The following TNK2 variants were observed in gnomAD, a reference collection of about 807,000 sequenced individuals.
The protein encoded by TNK2 is activated CDC42 kinase 1.
In TNK2, 83 loss-of-function variants were observed where a neutral mutation model predicts 101.8. The observed-to-expected ratio is 0.82, with a 90% CI of 0.68 to 0.98. The LOEUF is 0.98. Among genes scored for constraint, TNK2 ranks in the 50% least tolerant of loss-of-function variants. TNK2 has a pLI of 0.00. For missense variants in TNK2, 1,665 were observed against 1,483.2 expected, an observed-to-expected ratio of 1.12 and a Z score of -2.01; for synonymous variants, 804 against 633.0, an observed-to-expected ratio of 1.27 and a Z score of -4.06.
In TNK2 at chr3:195,867,616, G is replaced by A. The variant is rs1342920768; in HGVS notation, c.2682C>T (p.Ala894=). 6.3e-7 allele frequency: 1 copy of A among 1,598,644 alleles called. No individual in the cohort carries two copies. The change falls in exon 13 of 16, where the codon GCC becomes GCT. Residue 894 remains alanine, a synonymous_variant. Coordinates refer to ENST00000672887, the MANE Select transcript of TNK2 (RefSeq NM_001382273.1). The part of the protein sequence containing the change: ...LERYQRFLRE[A]QSPEEPTPLP... ...GGGGGGTAGGCTCCTCGGGGCTCTG[G>A]GCCTCACGCAGGAAGCGCTGGTAGC...
intron 15 of TNK2, among the ~76,000 whole-genome samples, chr3:195,866,006 G>A (rs1013845622): frequency 5.9e-5 from 9 of 151,930 alleles, no homozygotes; most frequent in African/African-American, 1.9e-4. Context: ...CCCTCCTCCC[G>A]CCAGTGCCTC....
chr3:195,899,007 A>G (rs1760937001), intron 1 of TNK2, among the ~76,000 whole-genome samples: 1 of 151,842 alleles, frequency 6.6e-6, no homozygotes, highest in Non-Finnish European at 1.5e-5. Context: ...GAGGCAGGAG[A>G]ATGGCGTGAA....
chr3:195,899,316 G>GA (rs1456656916), intron 1 of TNK2, among the ~76,000 whole-genome samples: 1 of 151,938 alleles, frequency 6.6e-6, no homozygotes, highest in Admixed American at 6.6e-5. Flanking sequence ...TAATACATGT[G>GA]AAAAATAGCC....
At position 195,872,293 on chromosome 3, in the gene TNK2, GA is replaced by G. The variant is rs1746014547; in HGVS notation, c.1433del (p.Phe478SerfsTer20). Reference sequence around the variant, plus strand: ...GTACTCACTCGTCAATCCTGTCCGGGAAGCCCCAGCAGTGGCGGGGGTCACT... The same window carrying G: ...GTACTCACTCGTCAATCCTGTCCGGGAGCCCCAGCAGTGGCGGGGGTCACT... ...GDSDPRHCWG[F>X]PDRIDELYLG... On this transcript the variant is annotated frameshift_variant, in exon 10 of 16. Coordinates refer to ENST00000672887, the MANE Select transcript of TNK2 (RefSeq NM_001382273.1). LOFTEE classifies it high-confidence loss of function. 1 of 1,613,340 alleles carries G rather than the reference GA, an allele frequency of 6.2e-7. No individual in the cohort carries two copies. Among genetic ancestry groups the G allele is most frequent in the African/African-American group, 1.3e-5 (1 of 74,944 alleles).
Position 195,895,293 on chromosome 3 carries a change from C to T in TNK2, c.-18-6687G>A. On this transcript the variant is annotated intron_variant, in intron 1 of 15. Coordinates refer to ENST00000672887, the MANE Select transcript of TNK2 (RefSeq NM_001382273.1). ...GCCAGGCGCTGGTAAGCAGATCTCT[C>T]CCCCATGGAGCCCCAAATCCCAGCG... is the stretch of plus-strand genomic sequence containing the variant. 6.4e-7 allele frequency: 1 copy of T among 1,572,936 alleles called. No individual in the cohort carries two copies. The highest frequency in any genetic ancestry group is 1.8e-5 in the Admixed American group (1 of 54,646).
At position 195,867,743 on chromosome 3, in the gene TNK2, C is replaced by T. The variant is rs762489031; in HGVS notation, c.2555G>A (p.Gly852Asp). Residue 852 changes from glycine to aspartate, a missense_variant, in exon 13 of 16, where the codon GGC (glycine) becomes GAC (aspartate). Physicochemically the swap from Gly to Asp is moderately conservative, Grantham distance 94. Coordinates refer to ENST00000672887, the MANE Select transcript of TNK2 (RefSeq NM_001382273.1). ...YATPQVIQAP[G>D]PRAGPCILPI... is the part of the protein sequence containing the mutation. ...CAGGATGCAGGGACCAGCCCGCGGGCCAGGGGCCTGGATCACCTGGGGGGT... is the reference window on the plus strand; with the variant it reads ...CAGGATGCAGGGACCAGCCCGCGGGTCAGGGGCCTGGATCACCTGGGGGGT... 7 of 1,598,938 alleles carry T rather than the reference C, an allele frequency of 4.4e-6. No homozygotes were observed. In the African/African-American group the frequency reaches 9.4e-5, roughly 22 times the overall value.
At chr3:195,900,186 G>A (rs1046960948) in intron 1 of TNK2, among the ~76,000 whole-genome samples, 37 of 152,054 alleles carry the variant, frequency 2.4e-4, no homozygotes, top group African/African-American at 1.4e-4. Context: ...GTGCTGGGGC[G>A]CGGGCTGCCA....
chr3:195,875,715 G>A (rs1024808556), intron 9 of TNK2, among the ~76,000 whole-genome samples: 2 of 152,202 alleles, frequency 1.3e-5, no homozygotes, highest in Non-Finnish European at 2.9e-5. Context: ...GGCCAGGGCT[G>A]CTACCCGGCC....
rs748438905 is a variant in TNK2, at chr3:195,870,150, T to C, written c.1507A>G (p.Thr503Ala). 4.2e-6 allele frequency: 6 copies of C among 1,441,236 alleles called. No individual in the cohort carries two copies. The East Asian group carries it at 1.3e-4, about 32-fold the overall frequency. The allele number at this position is 1,441,236 out of a possible 1,614,324, so 89.3% of individuals were successfully genotyped here. Reference protein sequence around the residue: ...PPDLLSVELSTSRPPQHLGGV... With the variant: ...PPDLLSVELSASRPPQHLGGV... ...CCTAGATGCTGGGGGGGCCGGGAGG[T>C]GCTCAGTTCCACGCTCAGGAGGTCG... is the stretch of plus-strand genomic sequence containing the variant. The change falls in exon 11 of 16, where the codon ACC becomes GCC. Residue 503 changes from threonine to alanine, a missense_variant. This residue lies in a region of TNK2 where 1,136 missense variants were observed against 894.9 expected (regional missense o/e 1.27). Transcript: ENST00000672887.
At position 195,872,395 on chromosome 3, in the gene TNK2, G is replaced by C. The variant is rs372973718; in HGVS notation, c.1332C>G (p.Thr444=). ...CVGPFPRNVV[T]SVAGLSAQDI... is the part of the protein sequence containing the mutation. ...CCTGGGCCGACAGGCCGGCCACGGA[G>C]GTCACCACGTTGCGAGGGAAGGGCC... The change falls in exon 10 of 16, where the codon ACC becomes ACG. Residue 444 remains threonine, a synonymous_variant. Transcript: ENST00000672887. The C allele has an allele frequency of 5.6e-6, 9 of 1,613,204 alleles. No individual in the cohort carries two copies. Among genetic ancestry groups the C allele is most frequent in the Admixed American group, 1.7e-5 (1 of 59,982 alleles).
chr3:195,869,865 G>A lies in TNK2; in HGVS notation c.1543+249C>T, dbSNP rs1365831163. 1.1e-5 allele frequency: 6 copies of A among 558,674 alleles called. No homozygotes were observed. In the African/African-American group the frequency reaches 1.1e-4, roughly 11 times the overall value. 34.6% of individuals were successfully genotyped at this position (558,674 alleles called of 1,614,324 possible). A position where few individuals can be genotyped will look rare whatever the true frequency, so the allele number is the denominator to read the frequency against. On this transcript the variant is annotated intron_variant, in intron 11 of 15. Transcript: ENST00000672887. ...CAGGATCTGAGCTCGGCCGTGGAAGGAGGGAGGAGGGACGCCGGGGCGGAC... is the reference window on the plus strand; with the variant it reads ...CAGGATCTGAGCTCGGCCGTGGAAGAAGGGAGGAGGGACGCCGGGGCGGAC...
chr3:195,883,239 C>T lies in TNK2; in HGVS notation c.527G>A (p.Arg176Gln), dbSNP rs773644614. 2.3e-5 allele frequency: 37 copies of T among 1,613,012 alleles called. No homozygotes were observed. Among genetic ancestry groups the T allele is most frequent in the Admixed American group, 8.3e-5 (5 of 59,998 alleles). Residue 176 changes from arginine to glutamine, a missense_variant, in exon 5 of 16, where the codon CGG (arginine) becomes CAG (glutamine). Arg to Gln is a conservative substitution (Grantham distance 43). Around this residue, in one of 3 missense-constraint regions of TNK2, gnomAD observed 490 missense variants for 522.5 expected, o/e 0.94. Coordinates refer to ENST00000672887, the MANE Select transcript of TNK2 (RefSeq NM_001382273.1). Reference sequence around the variant, plus strand: ...GAGCGAGTGCATGGCATTGACCTCCCGGATGAAGTCGTCCATGGCTTCTGG... The same window carrying T: ...GAGCGAGTGCATGGCATTGACCTCCTGGATGAAGTCGTCCATGGCTTCTGG... Reference protein sequence around the residue: ...SQPEAMDDFIREVNAMHSLDH... With the variant: ...SQPEAMDDFIQEVNAMHSLDH...
In TNK2 at chr3:195,868,207, G is replaced by C. The variant is rs780302654; in HGVS notation, c.2091C>G (p.Pro697=). 9 of 1,607,772 alleles carry C rather than the reference G, an allele frequency of 5.6e-6. No individual in the cohort carries two copies. Among genetic ancestry groups the C allele is most frequent in the Non-Finnish European group, 7.6e-6 (9 of 1,178,926 alleles). ...FVPEQARPPP[P]LEDNLFLPPQ... ...GCGGGAGGAACAGGTTGTCCTCCAG[G>C]GGAGGGGGCGGCCGCGCCTGCTCAG... is the stretch of plus-strand genomic sequence containing the variant. Residue 697 remains proline (P), a synonymous_variant, in exon 13 of 16, where the codon CCC becomes CCG. Transcript: ENST00000672887.
intron 6 of TNK2, among the ~76,000 whole-genome samples, chr3:195,879,803 C>CCGGGAAAGTCACTCGAGAT (rs1751383991): frequency 6.6e-6 from 1 of 151,990 alleles, no homozygotes; most frequent in South Asian, 2.1e-4. Flanking sequence ...GGGGATGGGG[C>CCGGGAAAGTCACTCGAGAT]CGGGAAAGTC....
chr3:195,880,885 A>G (rs12489282), intron 6 of TNK2, among the ~76,000 whole-genome samples: 45 of 23,054 alleles, frequency 2.0e-3, no homozygotes, highest in African/African-American at 3.3e-3. Context: ...CCCCCCAGCA[A>G]TGCCCCTTGG....
intron 15 of TNK2, 49 bp from the exon 16 acceptor site, chr3:195,864,236 C>T: frequency 2.5e-6 from 4 of 1,612,720 alleles, no homozygotes; most frequent in Non-Finnish European, 3.4e-6. Context: ...ACAGAAGGTT[C>T]AGCGGGGCAG....
intron 1 of TNK2, chr3:195,894,559 T>TA (rs1162437349): frequency 6.9e-6 from 1 of 144,772 alleles, no homozygotes; most frequent in Non-Finnish European, 1.5e-5. Flanking sequence ...GCCCAGCTAT[T>TA]TTTTTTTTTT....
chr3:195,868,183 CGGGAGG>C lies in TNK2; in HGVS notation c.2109_2114del (p.Phe703_Pro705delinsLeu). On this transcript the variant is annotated inframe_deletion, in exon 13 of 16. Transcript: ENST00000672887. Reference sequence around the variant, plus strand: ...TGGGCGGCTTGCCCCCACCCTGGGGCGGGAGGAACAGGTTGTCCTCCAGGGGAGGGG... The same window carrying C: ...TGGGCGGCTTGCCCCCACCCTGGGGCAACAGGTTGTCCTCCAGGGGAGGGG... 6.2e-7 allele frequency: 1 copy of C among 1,608,984 alleles called. No homozygotes were observed. The highest frequency in any genetic ancestry group is 8.5e-7 in the Non-Finnish European group (1 of 1,178,418).
chr3:195,887,121 T>A, intron 2 of TNK2, 74 bp from the exon 3 acceptor site: 1 of 1,507,848 alleles, frequency 6.6e-7, no homozygotes, highest in Non-Finnish European at 9.2e-7. Context: ...TGTGGTCCCC[T>A]TGGGGGTGAG....
Sources: allele counts gnomAD v4.1 joint callset (sites outside exome capture counted in the v4.1 genomes callset), GRCh38; gene constraint gnomAD v4.1.1; regional missense constraint gnomAD v4.1.1; transcripts MANE v1.5; gene names NCBI Gene and HGNC (gene_info 2026-07-23, HGNC 2026-07-21).